The following HS3ST5 variants were observed in gnomAD, a reference collection of about 807,000 sequenced individuals.
HS3ST5 encodes the protein heparan sulfate-glucosamine 3-sulfotransferase 5, also known as heparan sulfate glucosamine 3-O-sulfotransferase 5.
HS3ST5 carries 10 observed loss-of-function variants against 25.4 expected under a neutral mutation model. The observed-to-expected ratio is 0.39, with a 90% CI of 0.24 to 0.67. The LOEUF (loss-of-function observed/expected upper bound fraction) is 0.67, where lower values mean the gene tolerates loss of function less well. Among genes scored for constraint, HS3ST5 ranks in the 30% least tolerant of loss-of-function variants. The pLI is 0.44. For missense variants in HS3ST5, 324 were observed against 420.7 expected (o/e 0.77, Z 2.01); for synonymous variants, 170 against 162.4 (o/e 1.05, Z -0.36).
intron 1 of HS3ST5, among the ~76,000 whole-genome samples, chr6:114,233,187 C>T (rs1199868911): frequency 6.6e-6 from 1 of 151,918 alleles, no homozygotes; most frequent in African/African-American, 2.4e-5. Flanking sequence ...CATGAAGCAC[C>T]TTGTGTTAAA....
chr6:114,110,583 C>G (rs914272552), intron 3 of HS3ST5, among the ~76,000 whole-genome samples: 2 of 152,074 alleles, frequency 1.3e-5, no homozygotes, highest in African/African-American at 4.8e-5. Context: ...CAAAAGAAAT[C>G]AGAAATGAAT....
At position 114,057,427 on chromosome 6, in the gene HS3ST5, C is replaced by T. The variant is rs1772831203; in HGVS notation, c.871G>A (p.Gly291Arg). The T allele has an allele frequency of 6.2e-7, 1 of 1,614,158 alleles. No homozygotes were observed. The highest frequency in any genetic ancestry group is 8.5e-7 in the Non-Finnish European group (1 of 1,180,040). ...ATATTAAACCGCAAGCAGTAAAACC[C>T]TCTGGTAGCATTGAAGTATAAATTG... is the stretch of plus-strand genomic sequence containing the variant. ...QYNLYFNATR[G>R]FYCLRFNIIF... Residue 291 changes from glycine to arginine, a missense_variant, in exon 5 of 5, where the codon GGG becomes AGG. Coordinates refer to ENST00000312719, the MANE Select transcript of HS3ST5 (RefSeq NM_153612.4).
At chr6:114,094,397 C>T (rs1051325925) in intron 3 of HS3ST5, among the ~76,000 whole-genome samples, 6 of 152,158 alleles carry the variant, frequency 3.9e-5, no homozygotes, top group African/African-American at 1.2e-4. Flanking sequence ...TTGGAGTTTG[C>T]TCTTTGATAG....
At chr6:114,285,823 A>G (rs1774315368) in intron 1 of HS3ST5, among the ~76,000 whole-genome samples, 1 of 152,048 alleles carries the variant, frequency 6.6e-6, no homozygotes, top group Non-Finnish European at 1.5e-5. Flanking sequence ...AACTTAAAAT[A>G]AAATAAAATT....
At chr6:114,068,044 G>A (rs1283812016) in intron 3 of HS3ST5, among the ~76,000 whole-genome samples, 2 of 151,970 alleles carry the variant, frequency 1.3e-5, no homozygotes, top group South Asian at 2.1e-4. Flanking sequence ...TAATAGCTTC[G>A]GGAGGTAGAT....
intron 1 of HS3ST5, among the ~76,000 whole-genome samples, chr6:114,240,694 T>C (rs1270771474): frequency 6.6e-6 from 1 of 152,168 alleles, no homozygotes; most frequent in African/African-American, 2.4e-5. Flanking sequence ...TTTTCTAAAG[T>C]GTCTAGTATG....
chr6:114,144,672 T>A (rs1778068676), intron 3 of HS3ST5, among the ~76,000 whole-genome samples: 1 of 152,174 alleles, frequency 6.6e-6, no homozygotes, highest in Non-Finnish European at 1.5e-5. Flanking sequence ...TAACCCCTGC[T>A]GGACAGGAAA....
At chr6:114,287,572 A>G (rs1340896812) in intron 1 of HS3ST5, among the ~76,000 whole-genome samples, 1 of 152,066 alleles carries the variant, frequency 6.6e-6, no homozygotes, top group African/African-American at 2.4e-5. Flanking sequence ...ATCTTCTGAC[A>G]TTGTTAAATA....
intron 1 of HS3ST5, among the ~76,000 whole-genome samples, chr6:114,332,234 G>T (rs540821047): frequency 6.6e-6 from 1 of 152,080 alleles, no homozygotes; most frequent in African/African-American, 2.4e-5. Context: ...GTAGTAGGGG[G>T]TTAGGGCAGG....
At chr6:114,337,346 A>G (rs1441894868) in intron 1 of HS3ST5, among the ~76,000 whole-genome samples, 1 of 152,218 alleles carries the variant, frequency 6.6e-6, no homozygotes, top group Admixed American at 6.5e-5. Flanking sequence ...TCTGAGCAGA[A>G]TAAGTCTTCT....
chr6:114,266,376 A>G lies in HS3ST5; in HGVS notation c.-338-37598T>C, dbSNP rs1411138258. Among the ~76,000 whole-genome samples, 9 of 152,232 alleles carry G rather than the reference A, an allele frequency of 5.9e-5. No individual in the cohort carries two copies. The East Asian group carries it at 1.5e-3, about 26-fold the overall frequency. ...TAGGAAACATTTGGCAAAAAATTTA[A>G]GATAAAATTATATAAAGTTAGTTTT... is the stretch of plus-strand genomic sequence containing the variant. On this transcript the variant is annotated intron_variant, in intron 1 of 4. Transcript: ENST00000312719.
At chr6:114,295,304 T>C (rs1203712387) in intron 1 of HS3ST5, among the ~76,000 whole-genome samples, 1 of 152,236 alleles carries the variant, frequency 6.6e-6, no homozygotes, top group African/African-American at 2.4e-5. Context: ...GAAGTAATAA[T>C]AAATGTCTTT....
chr6:114,286,734 T>C (rs544201899), intron 1 of HS3ST5, among the ~76,000 whole-genome samples: 2 of 152,016 alleles, frequency 1.3e-5, no homozygotes, highest in Non-Finnish European at 2.9e-5. Flanking sequence ...CATTTTCTTG[T>C]GGTTCATTTT....
chr6:114,086,308 CAGA>C (rs1459325361), intron 3 of HS3ST5, among the ~76,000 whole-genome samples: 12 of 152,210 alleles, frequency 7.9e-5, no homozygotes, highest in African/African-American at 1.7e-4. Context: ...TAGCAAGTAG[CAGA>C]AGGAGTGATT....
intron 2 of HS3ST5, among the ~76,000 whole-genome samples, chr6:114,173,061 C>T (rs750677946): frequency 1.3e-5 from 2 of 152,160 alleles, no homozygotes; most frequent in Non-Finnish European, 1.5e-5. Context: ...TTAAACAGGT[C>T]GGGTTCTTTT....
rs114405205 is a variant in HS3ST5 at position 114,262,157 on chromosome 6, A to G, written c.-338-33379T>C. Among the ~76,000 whole-genome samples the G allele has an allele frequency of 6.5e-3, 992 of 152,364 alleles. 11 individuals carry two copies. The highest frequency in any genetic ancestry group is 0.023 in the African/African-American group (945 of 41,580). On this transcript the variant is annotated intron_variant, in intron 1 of 4. Coordinates refer to ENST00000312719, the MANE Select transcript of HS3ST5 (RefSeq NM_153612.4). Reference sequence around the variant, plus strand: ...CACAGATCACCTAAAGAATCTTTTCATAATATTGAATCTATGAATTGAACT... The same window carrying G: ...CACAGATCACCTAAAGAATCTTTTCGTAATATTGAATCTATGAATTGAACT...
At chr6:114,331,747 C>T (rs1335991763) in intron 1 of HS3ST5, among the ~76,000 whole-genome samples, 1 of 152,038 alleles carries the variant, frequency 6.6e-6, no homozygotes, top group African/African-American at 2.4e-5. Flanking sequence ...ATCTACAGGT[C>T]ATTTCTATTT....
chr6:114,128,769 G>A (rs1777177183), intron 3 of HS3ST5, among the ~76,000 whole-genome samples: 1 of 152,176 alleles, frequency 6.6e-6, no homozygotes, highest in Admixed American at 6.5e-5. Flanking sequence ...CAGAAAAAGA[G>A]AGTAAGCAAT....
intron 3 of HS3ST5, among the ~76,000 whole-genome samples, chr6:114,072,788 A>T (rs1400863565): frequency 6.6e-6 from 1 of 152,214 alleles, no homozygotes; most frequent in East Asian, 1.9e-4. Context: ...ATTGGAAAAA[A>T]ACTACTGTAA....
Sources: gnomAD v4.1 joint callset for allele counts (sites outside exome capture counted in the v4.1 genomes callset) on GRCh38, gnomAD v4.1.1 for gene constraint, MANE v1.5 for transcripts, NCBI Gene and HGNC (gene_info 2026-07-23, HGNC 2026-07-21) for gene names.